The following LOC128125822 variants were observed in gnomAD, a reference collection of about 807,000 sequenced individuals.
the LOC128125822 span, chr6:63,578,930 C>T: frequency 6.3e-7 from 1 of 1,593,996 alleles, no homozygotes; most frequent in Middle Eastern, 1.9e-4. Flanking sequence ...CACCACCATC[C>T]AACCAGATTG....
At chr6:63,581,944 T>C in the LOC128125822 span, 1 of 152,198 alleles carries the variant, frequency 6.6e-6, no homozygotes, top group Non-Finnish European at 1.5e-5. Context: ...TGTCTTTGTC[T>C]AATTTTTTTT....
At chr6:63,572,517 G>A in the LOC128125822 span, 3 of 391,210 alleles carry the variant, frequency 7.7e-6, no homozygotes, top group Non-Finnish European at 1.4e-5. Flanking sequence ...GCTGCGGGCC[G>A]GCTCGGCTAC....
chr6:63,577,199 T>G, the LOC128125822 span, among the ~76,000 whole-genome samples: 1 of 152,306 alleles, frequency 6.6e-6, no homozygotes, highest in South Asian at 2.1e-4. Context: ...GTACCTGAGT[T>G]TGCTTGAATT....
chr6:63,578,346 A>G, the LOC128125822 span: 7 of 1,368,040 alleles, frequency 5.1e-6, no homozygotes, highest in African/African-American at 1.5e-5. Context: ...TAACCAGCAT[A>G]CTTACTGATC....
the LOC128125822 span, chr6:63,580,282 A>G: frequency 1.1e-6 from 1 of 899,410 alleles, no homozygotes; most frequent in Non-Finnish European, 1.7e-6. Flanking sequence ...CTTCCATAGG[A>G]GTATTGAAAG....
chr6:63,574,445 A>G, the LOC128125822 span, among the ~76,000 whole-genome samples: 2 of 152,154 alleles, frequency 1.3e-5, no homozygotes, highest in African/African-American at 2.4e-5. Flanking sequence ...GCGGAACAGA[A>G]ATCTATCGGT....
chr6:63,573,365 C>T, the LOC128125822 span: 7 of 152,466 alleles, frequency 4.6e-5, no homozygotes, highest in African/African-American at 1.2e-4. Context: ...CTCGGAGCTC[C>T]GGGGTGGGCG....
the LOC128125822 span, chr6:63,573,600 T>A: frequency 6.6e-6 from 1 of 152,176 alleles, no homozygotes; most frequent in Non-Finnish European, 1.5e-5. Flanking sequence ...CGGGCCAGAG[T>A]GGGGTTCTGC....
the LOC128125822 span, chr6:63,580,014 G>A: frequency 7.0e-7 from 1 of 1,419,414 alleles, no homozygotes; most frequent in Non-Finnish European, 9.8e-7. Flanking sequence ...ATTACTGTAG[G>A]GGGCTTTTGC....
At chr6:63,574,579 A>C in the LOC128125822 span, among the ~76,000 whole-genome samples, 2 of 152,222 alleles carry the variant, frequency 1.3e-5, no homozygotes, top group African/African-American at 2.4e-5. Context: ...GAAAGTGCTT[A>C]CTTACATGAA....
the LOC128125822 span, chr6:63,578,498 C>T: frequency 6.2e-7 from 1 of 1,612,130 alleles, no homozygotes; most frequent in South Asian, 1.1e-5. Context: ...TATGACACTA[C>T]TCTTGTGGAG....
chr6:63,581,533 A>T, the LOC128125822 span: 1 of 152,362 alleles, frequency 6.6e-6, no homozygotes, highest in African/African-American at 2.4e-5. Context: ...GTGTGTCCTC[A>T]TCTTTTTACA....
the LOC128125822 span, chr6:63,578,889 C>G: frequency 6.6e-7 from 1 of 1,522,358 alleles, no homozygotes; most frequent in Non-Finnish European, 8.8e-7. Context: ...AAATATTCTT[C>G]TGACTTAGGA....
the LOC128125822 span, among the ~76,000 whole-genome samples, chr6:63,574,274 A>G: frequency 2.0e-4 from 31 of 152,248 alleles, no homozygotes; most frequent in Non-Finnish European, 4.0e-4. Flanking sequence ...ACTCTGCAGT[A>G]TAATAATGAT....
the LOC128125822 span, chr6:63,580,294 C>A: frequency 1.3e-6 from 1 of 778,414 alleles, no homozygotes. Context: ...TATTGAAAGG[C>A]AGTTTTACCA....
chr6:63,579,474 T>C, the LOC128125822 span: 1 of 570,988 alleles, frequency 1.8e-6, no homozygotes, highest in Non-Finnish European at 2.9e-6. Flanking sequence ...GATCTTACAT[T>C]CTTTTTTGCA....
the LOC128125822 span, chr6:63,577,030 A>G: frequency 6.9e-7 from 1 of 1,451,642 alleles, no homozygotes; most frequent in Non-Finnish European, 9.6e-7. Flanking sequence ...TTGCAATATA[A>G]TAGTGGGACT....
At chr6:63,576,511 G>A in the LOC128125822 span, 1 of 404,282 alleles carries the variant, frequency 2.5e-6, no homozygotes, top group Admixed American at 4.3e-5. Context: ...GGCACAGCAC[G>A]ACCTCTATGC....
the LOC128125822 span, chr6:63,579,208 A>G: frequency 6.5e-7 from 1 of 1,541,486 alleles, no homozygotes; most frequent in Non-Finnish European, 8.9e-7. Flanking sequence ...ATAAATTTAC[A>G]AAGATCTGAT....
Sources: gnomAD v4.1 joint callset for allele counts (sites outside exome capture counted in the v4.1 genomes callset) on GRCh38, gnomAD v4.1.1 for gene constraint, MANE v1.5 for transcripts.